Variants in PHC3 observed in about 807,000 individuals in gnomAD.
The protein encoded by PHC3 is polyhomeotic homolog 3, also known as polyhomeotic-like protein 3.
Under a neutral mutation model 107.4 loss-of-function variants are expected in PHC3, and 13 were observed. The ratio of observed to expected loss-of-function variants is 0.12; its 90% confidence interval spans 0.08 to 0.19. The LOEUF (loss-of-function observed/expected upper bound fraction) is 0.19. Among genes scored for constraint, PHC3 ranks in the 10% least tolerant of loss-of-function variants. PHC3 has a pLI of 1.00. For missense variants in PHC3, 992 were observed against 1,210.9 expected, an observed-to-expected ratio of 0.82 and a Z score of 2.68; for synonymous variants, 456 against 427.4, an observed-to-expected ratio of 1.07 and a Z score of -0.83.
In PHC3 at chr3:170,113,303, T is replaced by A. The variant is rs527346210; in HGVS notation, c.2353+57A>T. 3.7e-4 allele frequency: 555 copies of A among 1,502,372 alleles called. 1 individual carries two copies. Among genetic ancestry groups the A allele is most frequent in the Non-Finnish European group, 4.8e-4 (533 of 1,115,060 alleles). The allele number at this position is 1,502,372 out of a possible 1,614,324, so 93.1% of individuals were successfully genotyped here. On this transcript the variant is annotated intron_variant, in intron 11 of 14. Transcript: ENST00000495893. ...TACAGAATAAAAATCCACATCCTGT[T>A]TTAAGCAGTAAAAGTCAAAGTTAAA...
intron 12 of PHC3, among the ~76,000 whole-genome samples, chr3:170,106,210 T>C (rs1641665850): frequency 6.6e-6 from 1 of 152,240 alleles, no homozygotes; most frequent in Middle Eastern, 3.4e-3. Flanking sequence ...AGACTCTATA[T>C]CCAAAAACAA....
intron 8 of PHC3, chr3:170,128,457 G>C: frequency 1.6e-6 from 2 of 1,221,638 alleles, no homozygotes; most frequent in Non-Finnish European, 1.1e-6. Context: ...AAATTAACGA[G>C]GGACTTTAAT....
Position 170,181,686 on chromosome 3 carries a change from C to T in PHC3, c.14+16G>A. ...CCCCCCCTAGTTACGACATCAGTCA[C>T]CATCTAGTCACTCACTCCGCTTCCG... On this transcript the variant is annotated intron_variant, in intron 1 of 14. Coordinates refer to ENST00000495893, the MANE Select transcript of PHC3 (RefSeq NM_024947.4). 1 of 1,613,476 alleles carries T rather than the reference C, an allele frequency of 6.2e-7. No individual in the cohort carries two copies. Among genetic ancestry groups the T allele is most frequent in the Non-Finnish European group, 8.5e-7 (1 of 1,179,816 alleles).
chr3:170,142,321 T>G (rs1383607160), intron 6 of PHC3, among the ~76,000 whole-genome samples: 2 of 152,154 alleles, frequency 1.3e-5, no homozygotes, highest in South Asian at 4.1e-4. Context: ...GAGCAAGTAT[T>G]TGAACTCAGA....
intron 8 of PHC3, among the ~76,000 whole-genome samples, chr3:170,123,644 T>G (rs1720791840): frequency 6.6e-6 from 1 of 151,444 alleles, no homozygotes; most frequent in Non-Finnish European, 1.5e-5. Context: ...ATACAAAAAA[T>G]TAGCCAGGCA....
chr3:170,136,836 C>A (rs1167040194), intron 6 of PHC3, among the ~76,000 whole-genome samples, 171 bp from the exon 7 acceptor site: 5 of 150,276 alleles, frequency 3.3e-5, no homozygotes, highest in Non-Finnish European at 2.9e-5. Flanking sequence ...AGTTATTATT[C>A]TAAGTAATCA....
chr3:170,180,497 C>A (rs1290203842), intron 1 of PHC3, among the ~76,000 whole-genome samples: 1 of 150,400 alleles, frequency 6.6e-6, no homozygotes. Flanking sequence ...GGAAAACCGT[C>A]AGGAAGAAAG....
At chr3:170,118,480 C>A (rs368221824) in intron 9 of PHC3, among the ~76,000 whole-genome samples, 13 of 152,274 alleles carry the variant, frequency 8.5e-5, no homozygotes, top group African/African-American at 3.1e-4. Flanking sequence ...GGCACGATCT[C>A]GGCTCACTGC....
At chr3:170,168,036 C>T (rs1728994305) in intron 4 of PHC3, among the ~76,000 whole-genome samples, 1 of 152,034 alleles carries the variant, frequency 6.6e-6, no homozygotes, top group Non-Finnish European at 1.5e-5. Flanking sequence ...GTGGTGTGCG[C>T]CTGTAGTCCC....
chr3:170,146,250 C>G (rs557903009), intron 5 of PHC3, among the ~76,000 whole-genome samples: 1 of 151,856 alleles, frequency 6.6e-6, no homozygotes, highest in South Asian at 2.1e-4. Flanking sequence ...TGGCTCATGC[C>G]TGTAATCCCA....
At chr3:170,179,127 A>G (rs898681243) in intron 1 of PHC3, among the ~76,000 whole-genome samples, 189 bp from the exon 2 acceptor site, 2 of 152,226 alleles carry the variant, frequency 1.3e-5, no homozygotes, top group African/African-American at 4.8e-5. Context: ...AGCATATTTA[A>G]TAGTTAATAC....
intron 6 of PHC3, among the ~76,000 whole-genome samples, chr3:170,141,319 T>C (rs1162458473): frequency 6.6e-6 from 1 of 152,150 alleles, no homozygotes; most frequent in African/African-American, 2.4e-5. Context: ...ACAATATCCA[T>C]AGAGAAATTC....
intron 5 of PHC3, chr3:170,147,205 CAG>C (rs1229508628): frequency 6.6e-6 from 1 of 152,198 alleles, no homozygotes; most frequent in East Asian, 1.9e-4. Context: ...ACAATCCACT[CAG>C]AGATTAACCA....
intron 5 of PHC3, chr3:170,148,758 A>G (rs1261182879): frequency 5.6e-6 from 1 of 177,226 alleles, no homozygotes; most frequent in Non-Finnish European, 1.2e-5. Context: ...GCCATCAGTT[A>G]TAAAATGCAT....
chr3:170,181,487 G>T (rs980371589), intron 1 of PHC3, among the ~76,000 whole-genome samples: 4 of 152,180 alleles, frequency 2.6e-5, no homozygotes, highest in African/African-American at 9.6e-5. Context: ...CCTGATGGCG[G>T]AAGGGGCGCT....
chr3:170,145,988 C>T (rs191716987), intron 5 of PHC3, among the ~76,000 whole-genome samples: 44 of 152,274 alleles, frequency 2.9e-4, no homozygotes, highest in African/African-American at 1.0e-3. Context: ...GATAACTATG[C>T]CACATACTAC....
At position 170,149,209 on chromosome 3, in the gene PHC3, T is replaced by C. The variant is rs750357427; in HGVS notation, c.450A>G (p.Leu150=). Residue 150 remains leucine (L), a synonymous_variant, in exon 5 of 15, where the codon TTA becomes TTG. Coordinates refer to ENST00000495893, the MANE Select transcript of PHC3 (RefSeq NM_024947.4). ...AACTGGAAGCCTGGGAACGGCTTAT[T>C]AACTGTGCAGGTGTAGGAGAAGTGG... ...NLSTSPTPAQ[L]ISRSQASSST... 4 of 1,613,056 alleles carry C rather than the reference T, an allele frequency of 2.5e-6. No individual in the cohort carries two copies. The East Asian group carries it at 8.9e-5, about 36-fold the overall frequency.
At chr3:170,152,627 A>G (rs1020854977) in intron 4 of PHC3, among the ~76,000 whole-genome samples, 6 of 147,034 alleles carry the variant, frequency 4.1e-5, no homozygotes, top group Admixed American at 1.4e-4. Context: ...TTTTGCACCC[A>G]CTCCCAAAAT....
chr3:170,181,156 C>T (rs1378930405), intron 1 of PHC3, among the ~76,000 whole-genome samples: 1 of 152,224 alleles, frequency 6.6e-6, no homozygotes, highest in Non-Finnish European at 1.5e-5. Context: ...TGCAAGCAGC[C>T]CCCGCCGCTC....
Sources: allele counts gnomAD v4.1 joint callset (sites outside exome capture counted in the v4.1 genomes callset), GRCh38; gene constraint gnomAD v4.1.1; transcripts MANE v1.5; gene names NCBI Gene and HGNC (gene_info 2026-07-23, HGNC 2026-07-21).